The following DCAF1 variants were observed in gnomAD, a reference collection of about 807,000 sequenced individuals.
DCAF1 encodes the protein DDB1- and CUL4-associated factor 1.
A neutral mutation model predicts 128.0 loss-of-function variants in DCAF1; 15 were observed. The observed-to-expected ratio is 0.12, with a 90% CI of 0.08 to 0.18. The LOEUF is 0.18. DCAF1 is among the 10% of genes least tolerant of loss of function. DCAF1 has a pLI of 1.00. For missense variants in DCAF1, 988 were observed against 1,649.5 expected (o/e 0.60, Z 6.95); for synonymous variants, 610 against 603.0 (o/e 1.01, Z -0.17).
intron 1 of DCAF1, among the ~76,000 whole-genome samples, chr3:51,498,760 T>C (rs1708517159): frequency 6.6e-6 from 1 of 152,102 alleles, no homozygotes; most frequent in Non-Finnish European, 1.5e-5. Flanking sequence ...AAATGTTATA[T>C]AGAAAACCCA....
At chr3:51,414,121 C>CT in intron 19 of DCAF1, 78 bp from the exon 20 acceptor site, 1 of 1,457,122 alleles carries the variant, frequency 6.9e-7, no homozygotes. Flanking sequence ...TAAAATATCA[C>CT]TTTTTTTCCT....
chr3:51,478,201 C>T (rs1482530901), intron 3 of DCAF1, among the ~76,000 whole-genome samples: 3 of 151,976 alleles, frequency 2.0e-5, no homozygotes, highest in African/African-American at 7.3e-5. Flanking sequence ...ACAACAGTCT[C>T]ACCATGTTGC....
chr3:51,497,846 C>T lies in DCAF1; in HGVS notation c.-55-1066G>A, dbSNP rs374033372. Among the ~76,000 whole-genome samples the T allele has an allele frequency of 8.0e-4, 121 of 151,848 alleles. 1 individual carries two copies. Among genetic ancestry groups the T allele is most frequent in the South Asian group, 2.7e-3 (13 of 4,802 alleles). On this transcript the variant is annotated intron_variant, in intron 1 of 24. Transcript: ENST00000684031. ...GGCTGCAATGAGTTATGATGACACT[C>T]GAGACCATCATGGCTAACACGGTGA...
chr3:51,484,297 AC>A (rs1451654944), intron 2 of DCAF1, among the ~76,000 whole-genome samples: 1 of 151,728 alleles, frequency 6.6e-6, no homozygotes, highest in East Asian at 1.9e-4. Flanking sequence ...ACATGATGAA[AC>A]CCTGTCTCTA....
chr3:51,471,064 T>A (rs80164830), intron 3 of DCAF1, 59 bp from the exon 4 acceptor site: 1 of 990,982 alleles, frequency 1.0e-6, no homozygotes, highest in Non-Finnish European at 1.4e-6. Flanking sequence ...GGACCACCAC[T>A]ACAACAGTCA....
At chr3:51,410,576 T>TAA (rs782272483) in intron 23 of DCAF1, among the ~76,000 whole-genome samples, 10,280 of 152,244 alleles carry the variant, frequency 0.068, 900 homozygotes, top group East Asian at 0.33. Context: ...ACATGGGTCC[T>TAA]TTGCCCTAGT....
Position 51,463,183 on chromosome 3 carries a change from G to A in DCAF1, c.306C>T (p.Asn102=). The A allele has an allele frequency of 1.3e-6, 2 of 1,594,628 alleles. No individual in the cohort carries two copies. The highest frequency in any genetic ancestry group is 1.7e-6 in the Non-Finnish European group (2 of 1,169,746). The part of the protein sequence containing the change: ...YVMTSREPPL[N]TAACRLLLDI... ...CTAATAGGAGTCTGCAAGCTGCAGT[G>A]TTTAAAGGGGGCTCTCGGCTTGTCA... The change falls in exon 6 of 25, where the codon AAC becomes AAT. Residue 102 remains asparagine (N), a synonymous_variant. Transcript: ENST00000684031.
At chr3:51,419,483 T>C (rs568179527) in intron 15 of DCAF1, among the ~76,000 whole-genome samples, 4 of 152,134 alleles carry the variant, frequency 2.6e-5, no homozygotes, top group African/African-American at 4.8e-5. Context: ...TTATGGACAG[T>C]AGTAATGAGG....
At chr3:51,439,418 G>A (rs985777620) in intron 9 of DCAF1, among the ~76,000 whole-genome samples, 8 of 149,644 alleles carry the variant, frequency 5.3e-5, no homozygotes, top group Admixed American at 3.4e-4. Context: ...GTGAGCTAAC[G>A]TGCCTGGCCT....
intron 13 of DCAF1, among the ~76,000 whole-genome samples, chr3:51,426,160 A>G (rs559826197): frequency 1.3e-5 from 2 of 152,226 alleles, no homozygotes; most frequent in South Asian, 4.1e-4. Context: ...TGCTAAAATT[A>G]TCTGGTTTTA....
intron 7 of DCAF1, among the ~76,000 whole-genome samples, chr3:51,443,209 T>C (rs1272698681): frequency 1.3e-5 from 2 of 152,150 alleles, no homozygotes; most frequent in Non-Finnish European, 2.9e-5. Flanking sequence ...GTTTGAAAAT[T>C]TTCATAACAC....
chr3:51,453,219 T>A (rs1359815496), intron 6 of DCAF1, among the ~76,000 whole-genome samples: 2 of 152,202 alleles, frequency 1.3e-5, no homozygotes, highest in Non-Finnish European at 2.9e-5. Context: ...ATCACAACGT[T>A]ATTCTCTAAA....
chr3:51,456,809 A>C (rs896801718), intron 6 of DCAF1, among the ~76,000 whole-genome samples: 7 of 152,214 alleles, frequency 4.6e-5, no homozygotes, highest in Non-Finnish European at 7.3e-5. Context: ...ACAGGGTCTG[A>C]AGTGGACCTC....
chr3:51,405,575 C>T (rs990342207), intron 23 of DCAF1, among the ~76,000 whole-genome samples: 1 of 152,214 alleles, frequency 6.6e-6, no homozygotes, highest in Admixed American at 6.5e-5. Context: ...TTTGTCGTCT[C>T]TACTTTGTAT....
chr3:51,407,158 C>CAAAAAAAAA (rs1477512198), intron 23 of DCAF1, among the ~76,000 whole-genome samples: 1 of 89,092 alleles, frequency 1.1e-5, no homozygotes, highest in Non-Finnish European at 2.1e-5. Context: ...GACTCCATCT[C>CAAAAAAAAA]AAAAAAAAAA....
chr3:51,483,522 G>C (rs182102562), intron 3 of DCAF1, among the ~76,000 whole-genome samples, 197 bp downstream of exon 3: 1 of 151,636 alleles, frequency 6.6e-6, no homozygotes. Context: ...TCTGAGGAAA[G>C]AAAAAAATTG....
the DCAF1 span, among the ~76,000 whole-genome samples, chr3:51,505,582 G>A: frequency 6.6e-6 from 1 of 152,218 alleles, no homozygotes; most frequent in Non-Finnish European, 1.5e-5. Flanking sequence ...AAAGTCTCAT[G>A]ATGTTCCTGA....
chr3:51,420,279 G>C lies in DCAF1; in HGVS notation c.2691C>G (p.Val897=). Residue 897 remains valine, a synonymous_variant, in exon 15 of 25, where the codon GTC becomes GTG. Transcript: ENST00000684031. The surrounding 1 kb of genome is among the most constrained non-coding windows in gnomAD (Gnocchi z 6.5). The part of the protein sequence containing the change: ...FTPVTAAASP[V]SLPRTPRIAN... ...CGATACGAGGGGTTCGGGGTAGAGA[G>C]ACAGGAGAAGCAGCAGCAGTGACTG... The C allele has an allele frequency of 6.2e-7, 1 of 1,614,044 alleles. No homozygotes were observed. Among genetic ancestry groups the C allele is most frequent in the Non-Finnish European group, 8.5e-7 (1 of 1,179,902 alleles).
intron 4 of DCAF1, among the ~76,000 whole-genome samples, chr3:51,467,659 A>T (rs1331930615): frequency 2.0e-5 from 3 of 152,042 alleles, no homozygotes; most frequent in Admixed American, 6.6e-5. Context: ...AAAAATATAT[A>T]TATAAAAAAA....
Sources: gnomAD v4.1 joint callset for allele counts (sites outside exome capture counted in the v4.1 genomes callset) on GRCh38, gnomAD v4.1.1 for gene constraint, Gnocchi (gnomAD v3.1) non-coding constraint, MANE v1.5 for transcripts, NCBI Gene and HGNC (gene_info 2026-07-23, HGNC 2026-07-21) for gene names.